ANO1: variants seen among roughly 807,000 people sequenced by gnomAD.
ANO1 encodes anoctamin 1.
Under a neutral mutation model 124.0 loss-of-function variants are expected in ANO1, and 59 were observed. The ratio of observed to expected loss-of-function variants is 0.48; its 90% CI spans 0.39 to 0.59. ANO1 has a LOEUF of 0.59. Ranked by LOEUF, ANO1 falls within the 20% of genes least tolerant of loss-of-function variation. The pLI, the probability that ANO1 is intolerant of heterozygous loss-of-function variation, is 0.00. For missense variants in ANO1, 1,059 were observed against 1,328.0 expected, an observed-to-expected ratio of 0.80 and a Z score of 3.15; for synonymous variants, 529 against 532.0, an observed-to-expected ratio of 0.99 and a Z score of 0.08.
At chr11:70,148,288 G>A (rs1388325816) in intron 11 of ANO1, among the ~76,000 whole-genome samples, 1 of 152,000 alleles carries the variant, frequency 6.6e-6, no homozygotes, top group Non-Finnish European at 1.5e-5. Flanking sequence ...GTAAAATGGA[G>A]GGGATGGGAA....
chr11:70,068,595 G>A (rs1857791651), intron 1 of ANO1, among the ~76,000 whole-genome samples: 1 of 152,170 alleles, frequency 6.6e-6, no homozygotes, highest in African/African-American at 2.4e-5. Flanking sequence ...GGAGACGTGA[G>A]CCAGGAGGGA....
At chr11:70,038,012 C>T (rs1204283752) in intron 1 of ANO1, among the ~76,000 whole-genome samples, 3 of 152,146 alleles carry the variant, frequency 2.0e-5, no homozygotes, top group South Asian at 4.1e-4. Flanking sequence ...CGTGGCCAGT[C>T]GCAGTGGCTC....
intron 1 of ANO1, among the ~76,000 whole-genome samples, chr11:70,026,437 G>T (rs1291936360): frequency 6.6e-6 from 1 of 151,638 alleles, no homozygotes; most frequent in African/African-American, 2.4e-5. Context: ...TGATGATGGT[G>T]GTGGTGGTGA....
intron 10 of ANO1, among the ~76,000 whole-genome samples, chr11:70,128,631 G>T (rs1017848033): frequency 6.6e-6 from 1 of 152,156 alleles, no homozygotes; most frequent in Non-Finnish European, 1.5e-5. Flanking sequence ...GGAGCGAAGC[G>T]GGAGGTGCGT....
chr11:70,165,655 A>G, intron 20 of ANO1, 85 bp downstream of exon 20: 1 of 1,108,204 alleles, frequency 9.0e-7, no homozygotes, highest in Non-Finnish European at 1.3e-6. Context: ...GTCTGGGTGG[A>G]CGCGGGGCCT....
At chr11:70,064,732 T>C (rs1262604839) in intron 1 of ANO1, 1 of 152,304 alleles carries the variant, frequency 6.6e-6, no homozygotes, top group Non-Finnish European at 1.5e-5. Context: ...TCCTGTTCAC[T>C]ATCAAAATGA....
chr11:70,056,170 A>G (rs1306280805), intron 1 of ANO1: 2 of 152,062 alleles, frequency 1.3e-5, no homozygotes, highest in Non-Finnish European at 2.9e-5. Flanking sequence ...TCTGTCTAAA[A>G]ATTCCTTTTA....
At chr11:69,984,325 GC>G (rs1488953860), upstream of ANO1, among the ~76,000 whole-genome samples, 98 of 150,420 alleles carry the variant, frequency 6.5e-4, no homozygotes, top group African/African-American at 2.3e-3. Flanking sequence ...TGAGCCTGCC[GC>G]CCACGGAGAA....
intron 1 of ANO1, among the ~76,000 whole-genome samples, chr11:70,079,049 C>T (rs1565178189): frequency 6.6e-6 from 1 of 152,126 alleles, no homozygotes; most frequent in African/African-American, 2.4e-5. Context: ...ACCAAGAGCT[C>T]ACGGCTGGCG....
intron 1 of ANO1, among the ~76,000 whole-genome samples, chr11:70,022,729 C>T (rs1856830708): frequency 6.6e-6 from 1 of 152,118 alleles, no homozygotes; most frequent in Admixed American, 6.6e-5. Flanking sequence ...AATCACGACC[C>T]CCAAAGATGT....
intron 16 of ANO1, among the ~76,000 whole-genome samples, chr11:70,160,517 G>T (rs2048001575): frequency 6.6e-6 from 1 of 152,178 alleles, no homozygotes; most frequent in African/African-American, 2.4e-5. Flanking sequence ...CAAGAGGAGG[G>T]GCTCACTCTG....
At chr11:70,086,734 G>A (rs775943883) in intron 1 of ANO1, among the ~76,000 whole-genome samples, 1 of 152,200 alleles carries the variant, frequency 6.6e-6, no homozygotes, top group Non-Finnish European at 1.5e-5. Context: ...AGGTCACTCC[G>A]AGGGTCCCCA....
chr11:70,089,395 C>A (rs1028624507), intron 2 of ANO1, among the ~76,000 whole-genome samples: 2 of 152,176 alleles, frequency 1.3e-5, no homozygotes, highest in Non-Finnish European at 2.9e-5. Context: ...AATTAGGGAA[C>A]CTGGAGTGGA....
chr11:70,141,170 G>A lies in ANO1; in HGVS notation c.1259-8540G>A, dbSNP rs539039474. Among the ~76,000 whole-genome samples the A allele has an allele frequency of 3.3e-5, 5 of 152,326 alleles. No individual in the cohort carries two copies. In the South Asian group the frequency reaches 8.3e-4, roughly 25 times the overall value. On this transcript the variant is annotated intron_variant, in intron 11 of 25. Coordinates refer to ENST00000355303, the MANE Select transcript of ANO1 (RefSeq NM_018043.7). ...TTGGGGTAGCAGGAATGTACCGTAA[G>A]CCAGTAGCAGGGGACATGTAGGCGT...
intron 1 of ANO1, among the ~76,000 whole-genome samples, chr11:70,051,862 T>A (rs1857353689): frequency 6.6e-6 from 1 of 152,272 alleles, no homozygotes; most frequent in Non-Finnish European, 1.5e-5. Flanking sequence ...TTACTTAATG[T>A]TGTCTTTTGA....
chr11:70,018,935 G>C (rs1283006553), intron 1 of ANO1, among the ~76,000 whole-genome samples: 2 of 152,220 alleles, frequency 1.3e-5, no homozygotes, highest in Non-Finnish European at 2.9e-5. Flanking sequence ...CTGCAGAGGA[G>C]CTTCCTCCCA....
intron 21 of ANO1, chr11:70,170,202 G>A (rs1199850819): frequency 2.2e-6 from 1 of 454,638 alleles, no homozygotes; most frequent in Non-Finnish European, 4.4e-6. Flanking sequence ...CCCCCATGAT[G>A]GAAGCAGCAG....
the ANO1 span, among the ~76,000 whole-genome samples, chr11:69,967,765 T>G: frequency 1.3e-5 from 2 of 152,324 alleles, no homozygotes; most frequent in South Asian, 4.1e-4. Flanking sequence ...TAACCCTGGA[T>G]GTCCCTCTGC....
chr11:70,077,439 A>C (rs1012001592), upstream of ANO1, among the ~76,000 whole-genome samples: 1 of 152,184 alleles, frequency 6.6e-6, no homozygotes, highest in African/African-American at 2.4e-5. Flanking sequence ...GGTGGCCAGC[A>C]TGGCCCCTGG....
Sources: allele counts gnomAD v4.1 joint callset (sites outside exome capture counted in the v4.1 genomes callset), GRCh38; gene constraint gnomAD v4.1.1; transcripts MANE v1.5; gene names NCBI Gene and HGNC (gene_info 2026-07-23, HGNC 2026-07-21).